BRF1: variants seen among roughly 807,000 people sequenced by gnomAD.
BRF1 encodes the protein transcription factor IIIB 90 kDa subunit.
A neutral mutation model predicts 81.7 loss-of-function variants in BRF1; 59 were observed. The observed-to-expected ratio is 0.72, with a 90% CI of 0.59 to 0.90. BRF1 has a LOEUF of 0.90. BRF1 is among the 40% of genes least tolerant of loss of function. BRF1 has a pLI of 0.00. For missense variants in BRF1, 1,050 were observed against 936.3 expected, an observed-to-expected ratio of 1.12 and a Z score of -1.58; for synonymous variants, 491 against 395.6, an observed-to-expected ratio of 1.24 and a Z score of -2.86.
intron 8 of BRF1, 30 bp from the exon 9 acceptor site, chr14:105,226,320 G>A: frequency 6.2e-7 from 1 of 1,613,908 alleles, no homozygotes. Flanking sequence ...GAGGCTTCGT[G>A]AAGGGAGGCC....
chr14:105,223,120 G>A (rs1474646477), intron 10 of BRF1, among the ~76,000 whole-genome samples: 3 of 152,144 alleles, frequency 2.0e-5, no homozygotes, highest in Non-Finnish European at 4.4e-5. Context: ...TTGAGCCCAG[G>A]AGGTTGACAC....
intron 15 of BRF1, 176 bp downstream of exon 15, chr14:105,217,368 A>T: frequency 1.0e-6 from 1 of 996,020 alleles, no homozygotes; most frequent in Non-Finnish European, 1.4e-6. Flanking sequence ...AGGAGAGTTG[A>T]GACACTGTCA....
Position 105,242,735 on chromosome 14 carries a change from CAAAAAAAAAAAAAAA to C in BRF1, c.545-1336_545-1322del, listed in dbSNP as rs753645207. On this transcript the variant is annotated intron_variant, in intron 5 of 17. Coordinates refer to ENST00000547530, the MANE Select transcript of BRF1 (RefSeq NM_001519.4). ...GGGCAACAAGAGCGAAGTTCTGACT[CAAAAAAAAAAAAAAA>C]AAAAAAAAAAAAAAGATACGCTTAT... The C allele has an allele frequency of 2.8e-4, 11 of 38,876 alleles. No individual in the cohort carries two copies. The Admixed American group carries it at 4.2e-3, about 15-fold the overall frequency. 2.4% of individuals were successfully genotyped at this position (38,876 alleles called of 1,614,324 possible). A position where few individuals can be genotyped will look rare whatever the true frequency, so the allele number is the denominator to read the frequency against.
chr14:105,289,452 CAGAA>C (rs2057435116), intron 1 of BRF1, among the ~76,000 whole-genome samples: 1 of 152,212 alleles, frequency 6.6e-6, no homozygotes, highest in African/African-American at 2.4e-5. Flanking sequence ...TATGAGAATC[CAGAA>C]GAGAGGCCAG....
chr14:105,253,892 T>A (rs2055739949), intron 4 of BRF1, among the ~76,000 whole-genome samples: 1 of 152,210 alleles, frequency 6.6e-6, no homozygotes, highest in South Asian at 2.1e-4. Context: ...TGTCAGCACA[T>A]GTAGTGTGTG....
At chr14:105,211,349 C>G in intron 16 of BRF1, 56 bp from the exon 17 acceptor site, 1 of 1,417,542 alleles carries the variant, frequency 7.1e-7, no homozygotes, top group Non-Finnish European at 9.4e-7. Context: ...TGTATCTCAA[C>G]AGACCCCTCA....
chr14:105,215,592 GCACACACACTGCATACACAGAAACAGGCA>G (rs1891013370), intron 15 of BRF1, among the ~76,000 whole-genome samples: 2 of 115,732 alleles, frequency 1.7e-5, no homozygotes, highest in South Asian at 2.9e-4. Flanking sequence ...AGACACAGGC[GCACACACACTGCATACACAGAAACAGGCA>G]CACACACACT....
chr14:105,312,098 CTG>C (rs1310769193), intron 1 of BRF1, among the ~76,000 whole-genome samples: 3 of 152,242 alleles, frequency 2.0e-5, no homozygotes, highest in Non-Finnish European at 4.4e-5. Flanking sequence ...TGCTGTGTGT[CTG>C]TGTCATCTTA....
At chr14:105,229,427 C>T (rs985181508) in intron 6 of BRF1, among the ~76,000 whole-genome samples, 7 of 152,234 alleles carry the variant, frequency 4.6e-5, no homozygotes, top group Non-Finnish European at 7.3e-5. Context: ...CGGTACCTGG[C>T]CTGCCGGGTA....
At chr14:105,293,039 CCG>C (rs1472096320) in intron 1 of BRF1, among the ~76,000 whole-genome samples, 1 of 152,194 alleles carries the variant, frequency 6.6e-6, no homozygotes, top group Non-Finnish European at 1.5e-5. Flanking sequence ...CAGAATTCAC[CCG>C]TTTCCTAAGA....
At chr14:105,293,444 A>G (rs752725053) in intron 1 of BRF1, among the ~76,000 whole-genome samples, 3 of 152,208 alleles carry the variant, frequency 2.0e-5, no homozygotes, top group Non-Finnish European at 2.9e-5. Flanking sequence ...GGTGACACTG[A>G]GGTGTGCTGC....
At chr14:105,313,976 A>AT (rs984197831) in intron 1 of BRF1, among the ~76,000 whole-genome samples, 3 of 152,222 alleles carry the variant, frequency 2.0e-5, no homozygotes, top group African/African-American at 7.2e-5. Flanking sequence ...GGCCCCAGAC[A>AT]TTTGTTCTCC....
At chr14:105,291,332 G>T (rs1304952227) in intron 1 of BRF1, among the ~76,000 whole-genome samples, 4 of 152,216 alleles carry the variant, frequency 2.6e-5, no homozygotes, top group Non-Finnish European at 2.9e-5. Context: ...TTCACACCAG[G>T]ATTCTTCCAA....
At chr14:105,283,131 G>A (rs936806147) in intron 2 of BRF1, among the ~76,000 whole-genome samples, 1 of 152,126 alleles carries the variant, frequency 6.6e-6, no homozygotes, top group Non-Finnish European at 1.5e-5. Context: ...AGGTACGGCG[G>A]GCCCAGCCAG....
chr14:105,248,432 G>C, intron 5 of BRF1: 13 of 985,318 alleles, frequency 1.3e-5, no homozygotes, highest in Non-Finnish European at 1.6e-5. Context: ...ACAGCGCGCG[G>C]CTCGCGCCGG....
At chr14:105,275,141 C>G (rs587605075) in intron 2 of BRF1, among the ~76,000 whole-genome samples, 63 of 152,336 alleles carry the variant, frequency 4.1e-4, no homozygotes, top group Non-Finnish European at 7.8e-4. Context: ...CTAATGATGA[C>G]CAGCAGCCAG....
intron 5 of BRF1, chr14:105,242,315 G>C (rs1210392524): frequency 6.6e-6 from 1 of 152,126 alleles, no homozygotes; most frequent in Non-Finnish European, 1.5e-5. Context: ...ATGATTTGTG[G>C]TGATTTGGCT....
chr14:105,221,626 C>A, intron 11 of BRF1, 22 bp downstream of exon 11: 1 of 1,601,424 alleles, frequency 6.2e-7, no homozygotes, highest in Admixed American at 1.8e-5. Context: ...TCAGCGTCCC[C>A]CAGGGCCCCA....
At chr14:105,273,327 C>T (rs76031644) in intron 2 of BRF1, among the ~76,000 whole-genome samples, 2,187 of 152,320 alleles carry the variant, frequency 0.014, 62 homozygotes, top group African/African-American at 0.05. Flanking sequence ...GAGTCTGGGT[C>T]AGCCCACCCG....
Sources: allele counts gnomAD v4.1 joint callset (sites outside exome capture counted in the v4.1 genomes callset), GRCh38; gene constraint gnomAD v4.1.1; transcripts MANE v1.5; gene names NCBI Gene and HGNC (gene_info 2026-07-23, HGNC 2026-07-21).